Variants in ZBTB4 observed in about 807,000 individuals in gnomAD.
The protein encoded by ZBTB4 is zinc finger and BTB domain-containing protein 4.
In ZBTB4, 14 loss-of-function variants were observed where a neutral mutation model predicts 59.8. That is an observed-to-expected ratio of 0.23 (90% CI 0.15 to 0.37). The LOEUF (loss-of-function observed/expected upper bound fraction) is 0.37. ZBTB4 is among the 10% of genes least tolerant of loss of function. The probability of loss-of-function intolerance (pLI) is 1.00; values close to 1 mark genes in which losing one functional copy is unlikely to be tolerated. For missense variants in ZBTB4, 1,198 were observed against 1,380.8 expected (o/e 0.87, Z 2.10); for synonymous variants, 587 against 575.2 (o/e 1.02, Z -0.29).
rs750098678 is a variant in ZBTB4, at chr17:7,463,020, T to TTCC, written c.1959_1961dup (p.Glu654dup). The TTCC allele has an allele frequency of 6.4e-5, 103 of 1,611,462 alleles. No individual in the cohort carries two copies. The Admixed American group carries it at 1.5e-3, about 23-fold the overall frequency. Reference sequence around the variant, plus strand: ...GCTGGTCCTCCCCACCAGCCTTTGATTCCTCCTCATCCTCCTCCTCCTCCT... The same window carrying TTCC: ...GCTGGTCCTCCCCACCAGCCTTTGATTCCTCCTCCTCATCCTCCTCCTCCTCCT... On this transcript the variant is annotated inframe_insertion, in exon 4 of 4. Transcript: ENST00000380599.
rs1056482533 is a variant in ZBTB4 at position 7,467,181 on chromosome 17, C to A, written c.-10+76G>T. Reference sequence around the variant, plus strand: ...ATTTCACAGAACTCCCCAGCCTAGACAAAATGGCCGCCCCTGCTGGCCTGC... The same window carrying A: ...ATTTCACAGAACTCCCCAGCCTAGAAAAAATGGCCGCCCCTGCTGGCCTGC... On this transcript the variant is annotated intron_variant, in intron 2 of 3. Transcript: ENST00000380599. 4.8e-6 allele frequency: 5 copies of A among 1,051,388 alleles called. No individual in the cohort carries two copies. In the African/African-American group the frequency reaches 5.0e-5, roughly 11 times the overall value. The allele number at this position is 1,051,388 out of a possible 1,614,324, so 65.1% of individuals were successfully genotyped here.
chr17:7,484,210 G>C (rs1341977579), upstream of ZBTB4: 3 of 156,154 alleles, frequency 1.9e-5, no homozygotes, highest in Admixed American at 6.5e-5. Flanking sequence ...CACTTCAAAA[G>C]GTCGCCCAAC....
rs1263389849 is a variant in ZBTB4, at chr17:7,466,342, C to G, written c.460G>C (p.Gly154Arg). Residue 154 changes from glycine to arginine, a missense_variant, in exon 3 of 4, where the codon GGA (glycine) becomes CGA (arginine). Coordinates refer to ENST00000380599, the MANE Select transcript of ZBTB4 (RefSeq NM_001128833.2). The surrounding 1 kb of genome is among the most constrained non-coding windows in gnomAD (Gnocchi z 9.1). ...YSARLALPGGGGDGAAVAEIG... is the reference protein window; with the variant it reads ...YSARLALPGGRGDGAAVAEIG... Reference sequence around the variant, plus strand: ...TCTGCTACAGCTGCCCCGTCCCCTCCACCACCAGGCAGTGCGAGCCGGGCG... The same window carrying G: ...TCTGCTACAGCTGCCCCGTCCCCTCGACCACCAGGCAGTGCGAGCCGGGCG... 2.5e-6 allele frequency: 4 copies of G among 1,614,090 alleles called. No homozygotes were observed. The highest frequency in any genetic ancestry group is 3.4e-6 in the Non-Finnish European group (4 of 1,180,014).
chr17:7,481,884 C>A, upstream of ZBTB4: 2 of 1,451,234 alleles, frequency 1.4e-6, no homozygotes, highest in Non-Finnish European at 1.8e-6. Context: ...TAGCCCAACA[C>A]TGTACAGTCC....
rs920499549 is a variant in ZBTB4 at position 7,463,508 on chromosome 17, C to G, written c.1474G>C (p.Gly492Arg). 1 of 1,561,350 alleles carries G rather than the reference C, an allele frequency of 6.4e-7. No individual in the cohort carries two copies. Among genetic ancestry groups the G allele is most frequent in the Non-Finnish European group, 8.7e-7 (1 of 1,154,158 alleles). ...CCTGTGCTGGCCGTCCCACTCCCCC[C>G]TCCACCACTGCTACTGCCCCCATGG... ...IVHGGSSSGG[G>R]GSGTASTGGS... Residue 492 changes from glycine (G) to arginine (R), a missense_variant, in exon 4 of 4, where the codon GGG becomes CGG. Gly to Arg is a moderately radical substitution (Grantham distance 125). Coordinates refer to ENST00000380599, the MANE Select transcript of ZBTB4 (RefSeq NM_001128833.2).
intron 1 of ZBTB4, among the ~76,000 whole-genome samples, chr17:7,468,613 C>T (rs55749333): frequency 0.6 from 91,566 of 151,872 alleles, 27,948 homozygotes; most frequent in East Asian, 0.75. Context: ...GAGAGCAGAG[C>T]TCTCCGGACC....
Position 7,462,682 on chromosome 17 carries a change from C to G in ZBTB4, c.2300G>C (p.Cys767Ser). The G allele has an allele frequency of 6.2e-7, 1 of 1,606,528 alleles. No homozygotes were observed. The highest frequency in any genetic ancestry group is 8.5e-7 in the Non-Finnish European group (1 of 1,179,370). ...AGRRPSTRFT[C>S]PHCAKVCKTA... ...CTTGCACACCTTGGCGCAGTGGGGG[C>G]AGGTAAAGCGGGTGGAGGGCCTCCG... The change falls in exon 4 of 4, where the codon TGC becomes TCC. Residue 767 changes from cysteine (C) to serine (S), a missense_variant. Cys to Ser is a moderately radical substitution (Grantham distance 112). Around this residue, in one of 9 missense-constraint regions of ZBTB4, gnomAD observed 550 missense variants for 541.8 expected, o/e 1.02. Coordinates refer to ENST00000380599, the MANE Select transcript of ZBTB4 (RefSeq NM_001128833.2). This position sits in a 1 kb window ranked among gnomAD's most constrained non-coding sequence, Gnocchi z 7.5.
chr17:7,459,840 C>T lies in ZBTB4; in HGVS notation c.*2100G>A, dbSNP rs1285631874. 6.6e-6 allele frequency: 1 copy of T among 152,400 alleles called. No homozygotes were observed. Among genetic ancestry groups the T allele is most frequent in the Non-Finnish European group, 1.5e-5 (1 of 68,018 alleles). The allele number at this position is 152,400 out of a possible 1,614,324, so 9.4% of individuals were successfully genotyped here. A position where few individuals can be genotyped will look rare whatever the true frequency, so the allele number is the denominator to read the frequency against. On this transcript the variant is annotated 3_prime_UTR_variant, in exon 4 of 4. Transcript: ENST00000380599. ...ATGTCCATGGTTTTGGAATTTTGAC[C>T]TATTCTGAAGTTCCAATTCTCCGGT...
At chr17:7,477,800 C>A (rs926803027) in intron 1 of ZBTB4, among the ~76,000 whole-genome samples, 5 of 152,066 alleles carry the variant, frequency 3.3e-5, no homozygotes, top group African/African-American at 1.2e-4. Context: ...AGAGTCACAC[C>A]CAGCCTTTAC....
chr17:7,470,501 C>T (rs1265438675), intron 1 of ZBTB4, among the ~76,000 whole-genome samples: 2 of 152,000 alleles, frequency 1.3e-5, no homozygotes, highest in Non-Finnish European at 2.9e-5. Flanking sequence ...TCGAGACCAG[C>T]CTGGCCAACA....
At chr17:7,482,128 C>T, upstream of ZBTB4, 1 of 1,614,124 alleles carries the variant, frequency 6.2e-7, no homozygotes, top group African/African-American at 1.3e-5. Flanking sequence ...TGGGTGGGGG[C>T]CTGCCTGCTG....
chr17:7,481,387 T>C (rs550276959), upstream of ZBTB4: 14 of 1,272,678 alleles, frequency 1.1e-5, no homozygotes, highest in Middle Eastern at 3.0e-4. Context: ...AGCGGGAAAA[T>C]AGGCGTGCTA....
rs893358957 is a variant in ZBTB4, at chr17:7,461,881, T to G, written c.*59A>C. 2.8e-5 allele frequency: 40 copies of G among 1,428,938 alleles called. No individual in the cohort carries two copies. The highest frequency in any genetic ancestry group is 3.8e-5 in the Non-Finnish European group (40 of 1,059,568). The allele number at this position is 1,428,938 out of a possible 1,614,324, so 88.5% of individuals were successfully genotyped here. Reference sequence around the variant, plus strand: ...AGGGGCAGGGAGGCCAGGGAGCTGGTAGTGGTGGGGGGTTCAGGGAGGGTG... The same window carrying G: ...AGGGGCAGGGAGGCCAGGGAGCTGGGAGTGGTGGGGGGTTCAGGGAGGGTG... On this transcript the variant is annotated 3_prime_UTR_variant, in exon 4 of 4. Coordinates refer to ENST00000380599, the MANE Select transcript of ZBTB4 (RefSeq NM_001128833.2).
At chr17:7,472,632 T>C (rs1205355408) in intron 1 of ZBTB4, among the ~76,000 whole-genome samples, 1 of 103,898 alleles carries the variant, frequency 9.6e-6, no homozygotes, top group Non-Finnish European at 2.0e-5. Context: ...CACCTGGCCA[T>C]TCTTTTTTTT....
chr17:7,468,998 CCTGCGGAAGGGGCCTCA>C (rs2070164001), intron 1 of ZBTB4, among the ~76,000 whole-genome samples: 2 of 152,120 alleles, frequency 1.3e-5, no homozygotes, highest in Admixed American at 6.5e-5. Flanking sequence ...GGTCAGGCAT[CCTGCGGAAGGGGCCTCA>C]CTGCATTCAC....
At chr17:7,483,268 C>T (rs1294423683), upstream of ZBTB4, 2 of 629,768 alleles carry the variant, frequency 3.2e-6, no homozygotes, top group Non-Finnish European at 5.3e-6. Context: ...ATCCAAACGG[C>T]TGAGGCAGGG....
chr17:7,466,404 G>A lies in ZBTB4; in HGVS notation c.398C>T (p.Ala133Val). ...PRVLELPGVP[A>V]AAFSDVLNFI... ...GTTGAGGACATCAGAAAACGCAGCT[G>A]CTGGGACTCCTGGCAACTCCAGGAC... The change falls in exon 3 of 4, where the codon GCA becomes GTA. Residue 133 changes from alanine (A) to valine (V), a missense_variant. This residue lies in a region of ZBTB4 where 31 missense variants were observed against 67.6 expected (regional missense o/e 0.46). Transcript: ENST00000380599. This position sits in a 1 kb window ranked among gnomAD's most constrained non-coding sequence, Gnocchi z 9.1. 1.2e-6 allele frequency: 2 copies of A among 1,613,966 alleles called. No homozygotes were observed. Among genetic ancestry groups the A allele is most frequent in the Non-Finnish European group, 1.7e-6 (2 of 1,179,978 alleles).
intron 3 of ZBTB4, among the ~76,000 whole-genome samples, chr17:7,464,603 T>C (rs1240186566): frequency 6.6e-6 from 1 of 150,800 alleles, no homozygotes; most frequent in Non-Finnish European, 1.5e-5. Flanking sequence ...TTTGGGAGGC[T>C]GAGGTTGGCG....
In ZBTB4 at chr17:7,463,701, G is replaced by A. The variant is rs201324783; in HGVS notation, c.1281C>T (p.Tyr427=). ...CCGGGGCTCCCTGGCTGTAGGTCTT[G>A]TAGGGCCGCTTGGCTGCCCGCATGG... ...LLPMRAAKRP[Y]KTYSQGAPEA... Residue 427 remains tyrosine, a synonymous_variant, in exon 4 of 4, where the codon TAC becomes TAT. Coordinates refer to ENST00000380599, the MANE Select transcript of ZBTB4 (RefSeq NM_001128833.2). The A allele has an allele frequency of 5.6e-6, 9 of 1,613,968 alleles. No homozygotes were observed. The highest frequency in any genetic ancestry group is 2.7e-5 in the African/African-American group (2 of 75,064).
Sources: gnomAD v4.1 joint callset for allele counts (sites outside exome capture counted in the v4.1 genomes callset) on GRCh38, gnomAD v4.1.1 for gene constraint, gnomAD v4.1.1 regional missense constraint, Gnocchi (gnomAD v3.1) non-coding constraint, MANE v1.5 for transcripts, NCBI Gene and HGNC (gene_info 2026-07-23, HGNC 2026-07-21) for gene names.